UBE3D: variants seen among roughly 807,000 people sequenced by gnomAD.
The protein encoded by UBE3D is ubiquitin protein ligase E3D, also known as E3 ubiquitin-protein ligase E3D.
In UBE3D, 48 loss-of-function variants were observed where a neutral mutation model predicts 49.6. The observed-to-expected ratio is 0.97, with a 90% CI of 0.77 to 1.23. UBE3D has a LOEUF of 1.23. UBE3D is among the 50% of genes most tolerant of loss of function. The pLI is 0.00. For missense variants in UBE3D, 452 were observed against 468.4 expected, an observed-to-expected ratio of 0.96 and a Z score of 0.32; for synonymous variants, 189 against 174.2, an observed-to-expected ratio of 1.08 and a Z score of -0.67.
At chr6:82,960,762 T>C (rs909411956) in intron 8 of UBE3D, among the ~76,000 whole-genome samples, 1 of 152,010 alleles carries the variant, frequency 6.6e-6, no homozygotes. Flanking sequence ...GTTGCCTCAA[T>C]GTTGCTTTTC....
chr6:83,000,930 C>T (rs143027366), intron 8 of UBE3D, among the ~76,000 whole-genome samples: 2,214 of 152,182 alleles, frequency 0.015, 29 homozygotes, highest in South Asian at 0.062. Context: ...CCGCAACCTC[C>T]GCCTCCTGGG....
intron 8 of UBE3D, among the ~76,000 whole-genome samples, chr6:82,970,814 G>A (rs1777297515): frequency 6.6e-6 from 1 of 152,000 alleles, no homozygotes; most frequent in African/African-American, 2.4e-5. Context: ...ACTCCAGCCT[G>A]GGTGACAGAG....
intron 6 of UBE3D, 152 bp from the exon 7 acceptor site, chr6:83,022,713 T>C: frequency 2.0e-6 from 1 of 502,734 alleles, no homozygotes; most frequent in Non-Finnish European, 3.5e-6. Flanking sequence ...GAATCTGCAC[T>C]GATGTGGATT....
intron 2 of UBE3D, among the ~76,000 whole-genome samples, chr6:83,054,901 G>A (rs909155790): frequency 9.2e-5 from 14 of 152,002 alleles, no homozygotes; most frequent in Non-Finnish European, 1.5e-4. Context: ...CCCTTGCCTC[G>A]GCCTCCCAAA....
intron 9 of UBE3D, among the ~76,000 whole-genome samples, chr6:82,936,519 C>G (rs1318280426): frequency 2.0e-5 from 3 of 151,744 alleles, no homozygotes; most frequent in Admixed American, 1.3e-4. Context: ...TAATGAAGAA[C>G]TGCATTCAGT....
chr6:82,897,582 G>C (rs1771422439), intron 9 of UBE3D, among the ~76,000 whole-genome samples: 1 of 152,062 alleles, frequency 6.6e-6, no homozygotes, highest in Non-Finnish European at 1.5e-5. Flanking sequence ...GACAGAGTGA[G>C]ACTCCATCTC....
At chr6:82,908,455 G>C (rs1283138551) in intron 9 of UBE3D, among the ~76,000 whole-genome samples, 1 of 152,100 alleles carries the variant, frequency 6.6e-6, no homozygotes, top group Admixed American at 6.6e-5. Context: ...CACTATTTGG[G>C]TGACACTAAT....
chr6:82,977,314 C>T (rs1292098923), intron 8 of UBE3D, among the ~76,000 whole-genome samples: 1 of 151,912 alleles, frequency 6.6e-6, no homozygotes, highest in Admixed American at 6.6e-5. Context: ...GCATACAAAC[C>T]TATTAATCAA....
At chr6:83,002,244 G>A (rs557171290) in intron 8 of UBE3D, among the ~76,000 whole-genome samples, 150 of 152,266 alleles carry the variant, frequency 9.9e-4, no homozygotes, top group South Asian at 9.7e-3. Context: ...AACCTGTTCC[G>A]TAGATGCTGT....
In UBE3D at chr6:82,946,755, T is replaced by G. The variant is rs960045197; in HGVS notation, c.1149+10557A>C. On this transcript the variant is annotated intron_variant, in intron 9 of 9. Coordinates refer to ENST00000369747, the MANE Select transcript of UBE3D (RefSeq NM_198920.3). ...AAACAACAAAAATTAAAAAGTTAAT[T>G]AAAAAGTGGGGGACAAAGTTAAAGT... Among the ~76,000 whole-genome samples, 3 of 151,984 alleles carry G rather than the reference T, an allele frequency of 2.0e-5. 1 individual carries two copies. The South Asian group carries it at 6.2e-4, about 31-fold the overall frequency.
intron 7 of UBE3D, among the ~76,000 whole-genome samples, chr6:83,022,062 T>C (rs1203511176): frequency 6.6e-6 from 1 of 152,142 alleles, no homozygotes; most frequent in East Asian, 1.9e-4. Context: ...AGTCTTGCTC[T>C]GTCACCCAGG....
intron 9 of UBE3D, among the ~76,000 whole-genome samples, chr6:82,915,972 G>A (rs77728841): frequency 3.2e-4 from 48 of 152,278 alleles, no homozygotes; most frequent in South Asian, 1.0e-3. Flanking sequence ...TGGGAGATAA[G>A]AGCCTGGTCT....
chr6:83,041,064 T>G (rs555120740), intron 4 of UBE3D, among the ~76,000 whole-genome samples: 1 of 152,272 alleles, frequency 6.6e-6, no homozygotes, highest in Admixed American at 6.5e-5. Context: ...TACTATTTTA[T>G]ACAAGTTAAA....
chr6:82,974,197 G>C (rs76701481), intron 8 of UBE3D, among the ~76,000 whole-genome samples: 1 of 152,262 alleles, frequency 6.6e-6, no homozygotes, highest in East Asian at 1.9e-4. Context: ...AATGTAATGT[G>C]TACGAATCAT....
intron 5 of UBE3D, among the ~76,000 whole-genome samples, chr6:83,031,272 G>A (rs1582691757): frequency 2.0e-5 from 3 of 152,328 alleles, no homozygotes; most frequent in Admixed American, 6.5e-5. Context: ...GCCTCCCAAA[G>A]TGTTGGGATT....
intron 8 of UBE3D, among the ~76,000 whole-genome samples, chr6:83,010,951 T>A (rs1780294700): frequency 6.6e-6 from 1 of 152,138 alleles, no homozygotes. Flanking sequence ...CCAGTCAAGT[T>A]TATACTTAGT....
chr6:82,895,224 T>A (rs944677085), intron 9 of UBE3D, among the ~76,000 whole-genome samples: 2 of 152,024 alleles, frequency 1.3e-5, no homozygotes, highest in African/African-American at 4.8e-5. Context: ...GGCATGAGAA[T>A]CACTTGAACC....
At chr6:83,027,716 C>T (rs1381859768) in intron 5 of UBE3D, among the ~76,000 whole-genome samples, 3 of 152,100 alleles carry the variant, frequency 2.0e-5, no homozygotes, top group Non-Finnish European at 4.4e-5. Flanking sequence ...CAGTATTACT[C>T]GCATGTGTCT....
intron 9 of UBE3D, among the ~76,000 whole-genome samples, chr6:82,900,562 A>T (rs1771657683): frequency 6.6e-6 from 1 of 152,222 alleles, no homozygotes; most frequent in Admixed American, 6.5e-5. Context: ...TGCAACCAAG[A>T]AGAAAACTTG....
Sources: gnomAD v4.1 joint callset for allele counts (sites outside exome capture counted in the v4.1 genomes callset) on GRCh38, gnomAD v4.1.1 for gene constraint, MANE v1.5 for transcripts, NCBI Gene and HGNC (gene_info 2026-07-23, HGNC 2026-07-21) for gene names.